POLA1: variants seen among roughly 807,000 people sequenced by gnomAD.
The protein encoded by POLA1 is DNA polymerase alpha catalytic subunit.
Under a neutral mutation model 124.0 loss-of-function variants are expected in POLA1, and 15 were observed. The observed-to-expected ratio is 0.12, with a 90% confidence interval of 0.08 to 0.19. The LOEUF is 0.19. POLA1 is among the 10% of genes least tolerant of loss of function. POLA1 has a pLI of 1.00. For missense variants in POLA1, 886 were observed against 1,103.4 expected, an observed-to-expected ratio of 0.80 and a Z score of 2.79; for synonymous variants, 408 against 389.4, an observed-to-expected ratio of 1.05 and a Z score of -0.56.
At chrX:24,915,941 C>T (rs901905954) in intron 35 of POLA1, among the ~76,000 whole-genome samples, 1 of 111,616 alleles carries the variant, frequency 9.0e-6, no homozygotes, top group African/African-American at 3.3e-5. Context: ...GATAAATGGG[C>T]GGTAAAAAGT....
At chrX:24,787,285 C>T (rs1005487446) in intron 26 of POLA1, among the ~76,000 whole-genome samples, 18 of 111,685 alleles carry the variant, frequency 1.6e-4, no homozygotes, top group Non-Finnish European at 3.8e-5. Flanking sequence ...AAAATTATTG[C>T]CAAGACCAAT....
chrX:24,871,607 A>G (rs1245155729), intron 34 of POLA1, among the ~76,000 whole-genome samples: 1 of 109,414 alleles, frequency 9.1e-6, no homozygotes, highest in African/African-American at 3.3e-5. Flanking sequence ...TTTTTAAATT[A>G]TGTTGTAGAA....
intron 4 of POLA1, among the ~76,000 whole-genome samples, chrX:24,707,426 T>G: frequency 8.9e-6 from 1 of 111,958 alleles, no homozygotes; most frequent in East Asian, 2.8e-4. Context: ...CATCATATTA[T>G]CTCTTCCGAG....
At chrX:24,805,279 AG>A (rs1332867159) in intron 26 of POLA1, among the ~76,000 whole-genome samples, 1 of 111,437 alleles carries the variant, frequency 9.0e-6, no homozygotes, top group Non-Finnish European at 1.9e-5. Flanking sequence ...GTCCCATTAA[AG>A]ATGTATTGCT....
At chrX:24,745,320 G>A in intron 23 of POLA1, 98 bp from the exon 24 acceptor site, 2 of 546,978 alleles carry the variant, frequency 3.7e-6, no homozygotes, top group South Asian at 3.4e-5. Context: ...TATATGGATA[G>A]TATATAGTTT....
rs774857257 is a variant in POLA1 at position 24,904,891 on chromosome X, G to A, written c.4164+16769G>A. Reference sequence around the variant, plus strand: ...AAGACAAGCGTTAGCCGGCGTGGTGGCACACACCTGTAATCCCAGCTACTT... The same window carrying A: ...AAGACAAGCGTTAGCCGGCGTGGTGACACACACCTGTAATCCCAGCTACTT... On this transcript the variant is annotated intron_variant, in intron 35 of 36. Transcript: ENST00000379068. 2.7e-5 allele frequency among the ~76,000 whole-genome samples: 3 copies of A among 110,868 alleles called. No homozygotes were observed. In the South Asian group the frequency reaches 1.2e-3, roughly 43 times the overall value.
intron 26 of POLA1, among the ~76,000 whole-genome samples, chrX:24,755,671 A>C (rs1026149867): frequency 8.9e-6 from 1 of 111,840 alleles, no homozygotes; most frequent in Admixed American, 9.5e-5. Flanking sequence ...AGAAGTTTCT[A>C]ATTTTAATGC....
chrX:24,899,675 T>G (rs1167558888), intron 35 of POLA1, among the ~76,000 whole-genome samples: 1 of 111,757 alleles, frequency 8.9e-6, no homozygotes, highest in Non-Finnish European at 1.9e-5. Flanking sequence ...TAATGGCCCA[T>G]TCTCAGGAAC....
intron 6 of POLA1, among the ~76,000 whole-genome samples, chrX:24,715,497 T>G (rs1460954299): frequency 9.0e-5 from 10 of 111,463 alleles, no homozygotes; most frequent in Admixed American, 2.9e-4. Context: ...GGTTTCACTA[T>G]GTTGGCCAGG....
chrX:24,981,556 A>C (rs1049471506), intron 36 of POLA1, among the ~76,000 whole-genome samples: 1 of 112,766 alleles, frequency 8.9e-6, no homozygotes. Flanking sequence ...AGGTGTTGTC[A>C]CACTACACTA....
intron 35 of POLA1, among the ~76,000 whole-genome samples, chrX:24,905,563 C>CTT (rs1206053761): frequency 1.0e-4 from 3 of 28,949 alleles, no homozygotes; most frequent in South Asian, 2.1e-3. Context: ...CCCCCCCCCC[C>CTT]TTTTTTTTTT....
At chrX:24,842,276 TGC>T (rs1373960432) in intron 33 of POLA1, among the ~76,000 whole-genome samples, 1 of 111,914 alleles carries the variant, frequency 8.9e-6, no homozygotes. Flanking sequence ...ACCTCCATTT[TGC>T]AAAGGTACTC....
chrX:24,739,339 C>T, intron 19 of POLA1, 36 bp from the exon 20 acceptor site: 1 of 1,067,000 alleles, frequency 9.4e-7, no homozygotes, highest in Non-Finnish European at 1.3e-6. Flanking sequence ...AGTGTCTGCT[C>T]TTTCATGAAG....
At position 24,748,265 on chromosome X, in the gene POLA1, T is replaced by C; in HGVS notation, c.2692-46T>C. 2.9e-6 allele frequency: 3 copies of C among 1,045,444 alleles called. No individual in the cohort carries two copies. The South Asian group carries it at 6.7e-5, about 23-fold the overall frequency. 86.2% of individuals were successfully genotyped at this position (1,045,444 alleles called of 1,213,427 possible). On this transcript the variant is annotated intron_variant, in intron 24 of 36. Coordinates refer to ENST00000379068, the MANE Select transcript of POLA1 (RefSeq NM_001330360.2). ...TATAAAATATTACTGTAGAAATTTA[T>C]TTCGCAAAAGTTTGATTTGTGTGAA...
rs1265002936 is a variant in POLA1 at position 24,794,021 on chromosome X, G to A, written c.2965-15877G>A. Among the ~76,000 whole-genome samples, 4 of 109,656 alleles carry A rather than the reference G, an allele frequency of 3.6e-5. No homozygotes were observed. In the South Asian group the frequency reaches 1.2e-3, roughly 33 times the overall value. On this transcript the variant is annotated intron_variant, in intron 26 of 36. Coordinates refer to ENST00000379068, the MANE Select transcript of POLA1 (RefSeq NM_001330360.2). ...CTCTCTCTCTCTCTATTGCCCAGGC[G>A]GCTGGAGTGCAGTGGCATGATCTTG...
intron 31 of POLA1, among the ~76,000 whole-genome samples, chrX:24,825,103 C>T (rs867508649): frequency 2.7e-5 from 3 of 111,731 alleles, no homozygotes; most frequent in Non-Finnish European, 5.6e-5. Context: ...GATTTTTTCA[C>T]GTGGTTTTTA....
intron 15 of POLA1, 142 bp from the exon 16 acceptor site, chrX:24,732,228 T>G (rs1282490011): frequency 9.1e-6 from 4 of 438,436 alleles, no homozygotes; most frequent in African/African-American, 7.3e-5. Flanking sequence ...GTGCTGGAAT[T>G]ACAGGCATGA....
chrX:24,984,955 C>T (rs1314722656), intron 36 of POLA1, among the ~76,000 whole-genome samples: 1 of 111,123 alleles, frequency 9.0e-6, no homozygotes, highest in African/African-American at 3.3e-5. Flanking sequence ...CCACCGCACC[C>T]GGCCTGCACT....
intron 32 of POLA1, among the ~76,000 whole-genome samples, chrX:24,835,908 T>C (rs1160119955): frequency 8.9e-6 from 1 of 111,969 alleles, no homozygotes. Context: ...TGTGAATTTT[T>C]CATAGTATAA....
Sources: allele counts gnomAD v4.1 joint callset (sites outside exome capture counted in the v4.1 genomes callset), GRCh38; gene constraint gnomAD v4.1.1; transcripts MANE v1.5; gene names NCBI Gene and HGNC (gene_info 2026-07-23, HGNC 2026-07-21).